GALNTL6: variants seen among roughly 807,000 people sequenced by gnomAD.
GALNTL6 encodes the protein polypeptide N-acetylgalactosaminyltransferase-like 6.
In GALNTL6, 46 loss-of-function variants were observed where a neutral mutation model predicts 73.7. That is an observed-to-expected ratio of 0.62 (90% CI 0.49 to 0.80). The LOEUF (loss-of-function observed/expected upper bound fraction) is 0.80. GALNTL6 is among the 30% of genes least tolerant of loss of function. The probability of loss-of-function intolerance (pLI) is 0.00; values close to 1 mark genes in which losing one functional copy is unlikely to be tolerated. For synonymous variants in GALNTL6, 259 were observed against 263.7 expected (o/e 0.98, Z 0.17); for missense variants, 604 against 755.0 (o/e 0.80, Z 2.34).
chr4:172,348,403 G>T, intron 4 of GALNTL6, 120 bp from the exon 5 acceptor site: 1 of 718,300 alleles, frequency 1.4e-6, no homozygotes, highest in Non-Finnish European at 2.3e-6. Context: ...AACTCTGGTT[G>T]GAAAGTATTA....
At chr4:172,526,366 TATAATTGAAGCCCAACTGACAAA>T (rs1734953041) in intron 5 of GALNTL6, among the ~76,000 whole-genome samples, 1 of 152,200 alleles carries the variant, frequency 6.6e-6, no homozygotes, top group Non-Finnish European at 1.5e-5. Flanking sequence ...AGCCCCATTT[TATAATTGAAGCCCAACTGACAAA>T]ATTGAGACTC....
intron 2 of GALNTL6, among the ~76,000 whole-genome samples, chr4:172,092,199 T>G (rs1042009119): frequency 1.3e-5 from 2 of 152,102 alleles, no homozygotes; most frequent in East Asian, 3.8e-4. Flanking sequence ...TGGCCATGGT[T>G]AAACATGCAA....
chr4:172,474,133 C>A (rs1474480062), intron 5 of GALNTL6, among the ~76,000 whole-genome samples: 6 of 152,098 alleles, frequency 3.9e-5, no homozygotes, highest in African/African-American at 1.4e-4. Flanking sequence ...GCAGAGCAGC[C>A]CTCAGGCTCT....
intron 8 of GALNTL6, among the ~76,000 whole-genome samples, chr4:172,895,440 C>T: frequency 6.7e-6 from 1 of 150,312 alleles, no homozygotes; most frequent in Non-Finnish European, 1.5e-5. Flanking sequence ...TCTATGGTTC[C>T]ACTCCCTGCA....
chr4:172,325,245 A>T (rs544333182), intron 4 of GALNTL6, among the ~76,000 whole-genome samples: 1 of 152,088 alleles, frequency 6.6e-6, no homozygotes, highest in South Asian at 2.1e-4. Flanking sequence ...ATAAAATATA[A>T]AATTTTATTT....
chr4:171,823,568 T>C (rs1734738478), intron 2 of GALNTL6, among the ~76,000 whole-genome samples: 2 of 108,166 alleles, frequency 1.8e-5, no homozygotes, highest in Non-Finnish European at 4.1e-5. Flanking sequence ...TATATATATA[T>C]GTATATATAT....
intron 2 of GALNTL6, among the ~76,000 whole-genome samples, chr4:171,941,211 A>G (rs1738533032): frequency 1.3e-5 from 2 of 152,236 alleles, no homozygotes; most frequent in African/African-American, 4.8e-5. Flanking sequence ...CTGTATTGTG[A>G]GTGAAGCTTG....
chr4:172,087,153 T>C (rs1406263450), intron 2 of GALNTL6, among the ~76,000 whole-genome samples: 2 of 152,100 alleles, frequency 1.3e-5, no homozygotes, highest in African/African-American at 4.8e-5. Context: ...TCATACAACA[T>C]AGAGCACTGG....
chr4:172,468,524 T>A (rs1397736249), intron 5 of GALNTL6, among the ~76,000 whole-genome samples: 4 of 152,232 alleles, frequency 2.6e-5, no homozygotes, highest in African/African-American at 9.6e-5. Flanking sequence ...ATATTCATTT[T>A]GAAGATGCAA....
chr4:172,358,938 G>A (rs1742266988), intron 5 of GALNTL6, among the ~76,000 whole-genome samples: 1 of 149,330 alleles, frequency 6.7e-6, no homozygotes, highest in African/African-American at 2.5e-5. Flanking sequence ...TGGTAGGGGT[G>A]TAAATTAGTT....
chr4:172,526,502 G>A (rs1734958426), intron 5 of GALNTL6, among the ~76,000 whole-genome samples: 1 of 152,108 alleles, frequency 6.6e-6, no homozygotes, highest in Admixed American at 6.6e-5. Flanking sequence ...ATTATGACTT[G>A]TTTAATCTCC....
chr4:172,919,842 T>C (rs1170748135), intron 8 of GALNTL6, among the ~76,000 whole-genome samples: 1 of 152,200 alleles, frequency 6.6e-6, no homozygotes, highest in Admixed American at 6.5e-5. Context: ...AATCCAGTTT[T>C]TCCTCCCCAA....
chr4:172,915,567 T>C (rs1747459370), intron 8 of GALNTL6, among the ~76,000 whole-genome samples: 1 of 152,086 alleles, frequency 6.6e-6, no homozygotes, highest in Non-Finnish European at 1.5e-5. Flanking sequence ...GAAGGGGATA[T>C]CACCAATGAT....
At chr4:171,921,879 AT>A (rs1737798694) in intron 2 of GALNTL6, among the ~76,000 whole-genome samples, 1 of 152,034 alleles carries the variant, frequency 6.6e-6, no homozygotes, top group Non-Finnish European at 1.5e-5. Flanking sequence ...CAAACTCTAT[AT>A]TTGCTTAGAG....
At chr4:172,561,252 T>C (rs1242169595) in intron 5 of GALNTL6, among the ~76,000 whole-genome samples, 1 of 81,076 alleles carries the variant, frequency 1.2e-5, no homozygotes, top group African/African-American at 4.9e-5. Flanking sequence ...AGAGAGAGAC[T>C]CCGTCTCAAA....
intron 9 of GALNTL6, among the ~76,000 whole-genome samples, chr4:172,944,497 A>G (rs1374373647): frequency 1.3e-5 from 2 of 152,268 alleles, no homozygotes; most frequent in Non-Finnish European, 2.9e-5. Context: ...GAAATCTCAT[A>G]CAATGCTAAT....
chr4:172,855,235 C>T (rs1744065613), intron 7 of GALNTL6, among the ~76,000 whole-genome samples: 1 of 146,706 alleles, frequency 6.8e-6, no homozygotes, highest in Admixed American at 6.8e-5. Flanking sequence ...AATGGTTTTA[C>T]AAATAGTTTT....
At chr4:172,104,086 G>T (rs1940655347) in intron 2 of GALNTL6, among the ~76,000 whole-genome samples, 1 of 152,022 alleles carries the variant, frequency 6.6e-6, no homozygotes, top group African/African-American at 2.4e-5. Context: ...TGGGACTACA[G>T]GCGCCCACCA....
chr4:172,427,258 A>G (rs1164287590), intron 5 of GALNTL6, among the ~76,000 whole-genome samples: 1 of 152,192 alleles, frequency 6.6e-6, no homozygotes, highest in African/African-American at 2.4e-5. Flanking sequence ...GAGGCCTCAC[A>G]ATTATGGCAG....
Sources: allele counts gnomAD v4.1 joint callset (sites outside exome capture counted in the v4.1 genomes callset), GRCh38; gene constraint gnomAD v4.1.1; transcripts MANE v1.5; gene names NCBI Gene and HGNC (gene_info 2026-07-23, HGNC 2026-07-21).